Variants in PLCE1 observed in about 807,000 individuals in gnomAD.
PLCE1 encodes the protein phospholipase C epsilon 1.
PLCE1 carries 119 observed loss-of-function variants against 242.8 expected under a neutral mutation model. The ratio of observed to expected loss-of-function variants is 0.49; its 90% CI spans 0.42 to 0.57. The LOEUF is 0.57. PLCE1 is among the 20% of genes least tolerant of loss of function. The probability of loss-of-function intolerance (pLI) is 0.00; values close to 1 mark genes in which losing one functional copy is unlikely to be tolerated. For missense variants in PLCE1, 2,441 were observed against 2,788.8 expected, an observed-to-expected ratio of 0.88 and a Z score of 2.81; for synonymous variants, 945 against 1,017.4, an observed-to-expected ratio of 0.93 and a Z score of 1.35.
chr10:94,228,530 T>C (rs1481525463), intron 5 of PLCE1, among the ~76,000 whole-genome samples: 2 of 152,214 alleles, frequency 1.3e-5, no homozygotes, highest in African/African-American at 4.8e-5. Context: ...GAGAAGCTAT[T>C]GATATTGTTA....
At chr10:94,111,791 A>G (rs928341447) in intron 2 of PLCE1, among the ~76,000 whole-genome samples, 1 of 152,210 alleles carries the variant, frequency 6.6e-6, no homozygotes, top group Non-Finnish European at 1.5e-5. Flanking sequence ...CAGTATAATG[A>G]TCAATGGATT....
intron 5 of PLCE1, among the ~76,000 whole-genome samples, chr10:94,228,086 C>G (rs2050009981): frequency 6.6e-6 from 1 of 152,246 alleles, no homozygotes; most frequent in African/African-American, 2.4e-5. Context: ...GCTGGGAATA[C>G]AGGCAACCTT....
chr10:94,012,642 T>A (rs1430457270), intron 1 of PLCE1, among the ~76,000 whole-genome samples: 1 of 152,094 alleles, frequency 6.6e-6, no homozygotes, highest in African/African-American at 2.4e-5. Context: ...CTGACAGAGG[T>A]GCTGCAGTTA....
chr10:94,301,028 G>C (rs546667000), intron 24 of PLCE1, among the ~76,000 whole-genome samples: 1 of 150,342 alleles, frequency 6.7e-6, no homozygotes, highest in East Asian at 2.0e-4. Flanking sequence ...CTGGGTGACA[G>C]AGCGAGACAC....
At chr10:94,135,117 C>G (rs1029156595) in intron 3 of PLCE1, among the ~76,000 whole-genome samples, 1 of 152,108 alleles carries the variant, frequency 6.6e-6, no homozygotes, top group Non-Finnish European at 1.5e-5. Context: ...CATTAGAAAA[C>G]CAGATGGGTT....
chr10:94,101,695 G>A (rs919851820), intron 2 of PLCE1, among the ~76,000 whole-genome samples: 3 of 152,216 alleles, frequency 2.0e-5, no homozygotes, highest in Non-Finnish European at 4.4e-5. Context: ...CAGCAGGAGT[G>A]AGTCAGAGAG....
chr10:94,307,107 T>C (rs1589513482), intron 26 of PLCE1, among the ~76,000 whole-genome samples: 1 of 152,034 alleles, frequency 6.6e-6, no homozygotes. Flanking sequence ...TGGGGCTGGG[T>C]TTCAGGTGCA....
chr10:94,091,484 G>A (rs549266140), intron 2 of PLCE1, among the ~76,000 whole-genome samples: 11 of 152,158 alleles, frequency 7.2e-5, no homozygotes, highest in African/African-American at 2.7e-4. Flanking sequence ...TGAGAGGGGA[G>A]AGAAAGATAA....
chr10:94,296,884 T>C (rs1260144294), intron 23 of PLCE1, among the ~76,000 whole-genome samples: 2 of 152,230 alleles, frequency 1.3e-5, no homozygotes, highest in East Asian at 3.9e-4. Flanking sequence ...TTCTTTCTTT[T>C]TTTTTTTGAG....
At chr10:94,017,268 C>T (rs1645867722) in intron 1 of PLCE1, among the ~76,000 whole-genome samples, 1 of 152,198 alleles carries the variant, frequency 6.6e-6, no homozygotes, top group African/African-American at 2.4e-5. Flanking sequence ...TATTGGCCTG[C>T]AGATTAAGCA....
At chr10:94,173,415 G>A (rs1259191215) in intron 4 of PLCE1, among the ~76,000 whole-genome samples, 1 of 152,062 alleles carries the variant, frequency 6.6e-6, no homozygotes, top group Non-Finnish European at 1.5e-5. Flanking sequence ...GATAAAAATG[G>A]GATGGAAAAA....
intron 10 of PLCE1, 90 bp downstream of exon 10, chr10:94,254,397 A>C: frequency 1.1e-6 from 1 of 872,916 alleles, no homozygotes; most frequent in Non-Finnish European, 1.9e-6. Context: ...TGATTTAAGC[A>C]TTGCAAACAT....
chr10:94,160,136 G>T (rs1015479872), intron 3 of PLCE1, among the ~76,000 whole-genome samples: 8 of 152,126 alleles, frequency 5.3e-5, no homozygotes, highest in Non-Finnish European at 7.4e-5. Flanking sequence ...ATATACCCAG[G>T]AATGGGATGG....
intron 8 of PLCE1, among the ~76,000 whole-genome samples, chr10:94,247,255 ATGC>A (rs1490452731): frequency 6.6e-6 from 1 of 152,012 alleles, no homozygotes; most frequent in Non-Finnish European, 1.5e-5. Flanking sequence ...GTAACTGAAA[ATGC>A]TTATGTTAAC....
At chr10:94,204,377 G>T (rs1564786382) in intron 4 of PLCE1, among the ~76,000 whole-genome samples, 2 of 152,236 alleles carry the variant, frequency 1.3e-5, no homozygotes, top group South Asian at 2.1e-4. Flanking sequence ...ATTAGAAAAT[G>T]ATGTGTCCTG....
chr10:94,113,028 G>A lies in PLCE1; in HGVS notation c.1207-19146G>A, dbSNP rs140284051. 4.9e-4 allele frequency among the ~76,000 whole-genome samples: 74 copies of A among 152,224 alleles called. No individual in the cohort carries two copies. In the East Asian group the frequency reaches 8.9e-3, roughly 18 times the overall value. On this transcript the variant is annotated intron_variant, in intron 2 of 32. Coordinates refer to ENST00000371380, the MANE Select transcript of PLCE1 (RefSeq NM_016341.4). ...AATTATGCCTCTTAAAGAAGCCAGGGATTATATGAAATGTCCCAAACAGGC... is the reference window on the plus strand; with the variant it reads ...AATTATGCCTCTTAAAGAAGCCAGGAATTATATGAAATGTCCCAAACAGGC...
intron 1 of PLCE1, among the ~76,000 whole-genome samples, chr10:93,997,945 T>A (rs1317571849): frequency 6.6e-6 from 1 of 152,144 alleles, no homozygotes; most frequent in Non-Finnish European, 1.5e-5. Flanking sequence ...TCATAACTGT[T>A]ATGGGGTGGA....
rs1039698184 is a variant in PLCE1, at chr10:94,239,254, C to T, written c.2420+3134C>T. 2.0e-5 allele frequency among the ~76,000 whole-genome samples: 3 copies of T among 152,188 alleles called. No individual in the cohort carries two copies. In the South Asian group the frequency reaches 6.2e-4, roughly 32 times the overall value. On this transcript the variant is annotated intron_variant, in intron 7 of 32. Transcript: ENST00000371380. ...TGATTTGTAATCCCTATAATCCCCA[C>T]GTGTCAAGGGAGAGACCAGGTGGAG...
At chr10:94,001,330 A>T (rs1210782892) in intron 1 of PLCE1, among the ~76,000 whole-genome samples, 1 of 152,204 alleles carries the variant, frequency 6.6e-6, no homozygotes, top group Non-Finnish European at 1.5e-5. Flanking sequence ...AATGTGCTCC[A>T]TTTGTAAAAA....
Sources: gnomAD v4.1 joint callset for allele counts (sites outside exome capture counted in the v4.1 genomes callset) on GRCh38, gnomAD v4.1.1 for gene constraint, MANE v1.5 for transcripts, NCBI Gene and HGNC (gene_info 2026-07-23, HGNC 2026-07-21) for gene names.